KRT80: variants seen among roughly 807,000 people sequenced by gnomAD.
The protein encoded by KRT80 is keratin 80.
In KRT80, 36 loss-of-function variants were observed where a neutral mutation model predicts 51.5. The ratio of observed to expected loss-of-function variants is 0.70; its 90% CI spans 0.54 to 0.92. The LOEUF is 0.92. Among genes scored for constraint, KRT80 ranks in the 40% least tolerant of loss-of-function variants. The pLI is 0.00. For missense variants in KRT80, 566 were observed against 591.7 expected (o/e 0.96, Z 0.45); for synonymous variants, 235 against 248.3 (o/e 0.95, Z 0.50).
At chr12:52,173,520 C>T (rs760129677) in intron 5 of KRT80, 80 bp downstream of exon 5, 96 of 1,459,520 alleles carry the variant, frequency 6.6e-5, no homozygotes, top group Non-Finnish European at 8.7e-5. Flanking sequence ...CAGGCAACCT[C>T]AGCCATCACC....
intron 4 of KRT80, among the ~76,000 whole-genome samples, chr12:52,176,567 T>C (rs1297502949): frequency 2.6e-5 from 4 of 151,752 alleles, no homozygotes; most frequent in Admixed American, 6.6e-5. Context: ...CTGCAACCTC[T>C]GCCTCCCGGG....
At chr12:52,174,322 G>A (rs1462886863) in intron 4 of KRT80, among the ~76,000 whole-genome samples, 1 of 152,204 alleles carries the variant, frequency 6.6e-6, no homozygotes, top group Non-Finnish European at 1.5e-5. Flanking sequence ...AGTGACCAGG[G>A]TGGAGTGGGC....
chr12:52,181,748 AC>A (rs1941324772), intron 2 of KRT80, among the ~76,000 whole-genome samples: 1 of 151,780 alleles, frequency 6.6e-6, no homozygotes, highest in South Asian at 2.1e-4. Flanking sequence ...GGAGGACAGG[AC>A]CCCCAGATCC....
chr12:52,191,906 G>GC lies in KRT80; in HGVS notation c.-5dup. 6.8e-7 allele frequency: 1 copy of GC among 1,460,960 alleles called. No homozygotes were observed. Among genetic ancestry groups the GC allele is most frequent in the Non-Finnish European group, 9.1e-7 (1 of 1,104,654 alleles). The allele number at this position is 1,460,960 out of a possible 1,614,324, so 90.5% of individuals were successfully genotyped here. On this transcript the variant is annotated 5_prime_UTR_variant, in exon 1 of 9. Coordinates refer to ENST00000394815, the MANE Select transcript of KRT80 (RefSeq NM_182507.3). ...CCACGCAGGAGCGGCAGGCCATGGT[G>GC]CCCCCGGCCGGAAGCAGGAGGGCCC...
intron 4 of KRT80, among the ~76,000 whole-genome samples, chr12:52,174,186 CTCT>C (rs1250062938): frequency 1.3e-5 from 2 of 152,238 alleles, no homozygotes; most frequent in Non-Finnish European, 2.9e-5. Flanking sequence ...TGGGGTACAG[CTCT>C]GCCTCTCCCA....
intron 4 of KRT80, among the ~76,000 whole-genome samples, chr12:52,177,603 G>A (rs1385894664): frequency 2.0e-5 from 3 of 151,656 alleles, no homozygotes; most frequent in Admixed American, 6.6e-5. Flanking sequence ...CTACTCAGTT[G>A]GCTTGGAAGG....
At chr12:52,177,587 G>T (rs1004272686) in intron 4 of KRT80, among the ~76,000 whole-genome samples, 1 of 152,070 alleles carries the variant, frequency 6.6e-6, no homozygotes, top group Non-Finnish European at 1.5e-5. Flanking sequence ...TCATGGCCAT[G>T]AGCTCCTACT....
rs560317170 is a variant in KRT80, at chr12:52,191,946, G to A, written c.-44C>T. 2 of 1,429,994 alleles carry A rather than the reference G, an allele frequency of 1.4e-6. No homozygotes were observed. Among genetic ancestry groups the A allele is most frequent in the Non-Finnish European group, 1.8e-6 (2 of 1,091,264 alleles). 88.6% of individuals were successfully genotyped at this position (1,429,994 alleles called of 1,614,324 possible). ...CAGGAGGGCCCAGGGGGGTGAGCGAGTGAGCCTGGGGTTGCGTCGGGTGGC... is the reference window on the plus strand; with the variant it reads ...CAGGAGGGCCCAGGGGGGTGAGCGAATGAGCCTGGGGTTGCGTCGGGTGGC... On this transcript the variant is annotated 5_prime_UTR_variant, in exon 1 of 9. Transcript: ENST00000394815.
At chr12:52,173,206 G>A (rs559735112) in intron 5 of KRT80, 43 bp from the exon 6 acceptor site, 10 of 1,543,356 alleles carry the variant, frequency 6.5e-6, no homozygotes, top group South Asian at 3.5e-5. Flanking sequence ...GCTCAGTGCC[G>A]CTCCCAGCAC....
chr12:52,188,658 G>A (rs1208834332), intron 1 of KRT80, among the ~76,000 whole-genome samples: 1 of 152,184 alleles, frequency 6.6e-6, no homozygotes, highest in Non-Finnish European at 1.5e-5. Flanking sequence ...CACAGGCCTC[G>A]GTGAAGACAT....
rs750166954 is a variant in KRT80 at position 52,191,656 on chromosome 12, C to G, written c.247G>C (p.Glu83Gln). 15 of 1,610,910 alleles carry G rather than the reference C, an allele frequency of 9.3e-6. No homozygotes were observed. In the Admixed American group the frequency reaches 1.8e-4, roughly 20 times the overall value. ...DPAVQQLKNQ[E>Q]KEEMKALNDK... The stretch of plus-strand genomic sequence containing the variant: ...TTGAGGGCCTTCATCTCCTCCTTCT[C>G]CTGGTTCTTCAGCTGCTGAACAGCG... The change falls in exon 1 of 9, where the codon GAG becomes CAG. Residue 83 changes from glutamate (E) to glutamine (Q), a missense_variant. Glu to Gln is a conservative substitution (Grantham distance 29). Coordinates refer to ENST00000394815, the MANE Select transcript of KRT80 (RefSeq NM_182507.3).
In KRT80 at chr12:52,173,726, C is replaced by T. The variant is rs764851000; in HGVS notation, c.705G>A (p.Ser235=). The T allele has an allele frequency of 1.6e-5, 25 of 1,612,136 alleles. No individual in the cohort carries two copies. The highest frequency in any genetic ancestry group is 2.2e-5 in the East Asian group (1 of 44,890). Residue 235 remains serine (S), a synonymous_variant, in exon 5 of 9, where the codon TCG becomes TCA. Transcript: ENST00000394815. ...KDLAAQVKDV[S]VTVGMDSRCH... is the part of the protein sequence containing the mutation. ...AGCGGCTGTCCATGCCGACGGTCAC[C>T]GACACATCCTTCACCTGTGCTGCCA... is the stretch of plus-strand genomic sequence containing the variant.
chr12:52,182,879 G>A (rs1026856454), intron 2 of KRT80, among the ~76,000 whole-genome samples: 1 of 152,170 alleles, frequency 6.6e-6, no homozygotes, highest in African/African-American at 2.4e-5. Context: ...GCTGGGCTGC[G>A]GCTGGACACT....
rs149588250 is a variant in KRT80, at chr12:52,169,022, T to G, written c.*2376A>C. ...AATTTATAAAGAAAAGACATTTATT[T>G]TGGCTCACAATTCTGCAGGCTGTAC... On this transcript the variant is annotated 3_prime_UTR_variant, in exon 9 of 9. Coordinates refer to ENST00000394815, the MANE Select transcript of KRT80 (RefSeq NM_182507.3). The G allele has an allele frequency of 6.6e-6, 1 of 152,392 alleles. No individual in the cohort carries two copies. The highest frequency in any genetic ancestry group is 1.9e-4 in the East Asian group (1 of 5,196). 9.4% of individuals were successfully genotyped at this position (152,392 alleles called of 1,614,324 possible). A position where few individuals can be genotyped will look rare whatever the true frequency, so the allele number is the denominator to read the frequency against.
At chr12:52,178,365 C>G (rs984972779) in intron 4 of KRT80, among the ~76,000 whole-genome samples, 1 of 152,258 alleles carries the variant, frequency 6.6e-6, no homozygotes, top group Non-Finnish European at 1.5e-5. Flanking sequence ...AGCTCCCACC[C>G]TGCCCCGTGT....
In KRT80 at chr12:52,172,354, G is replaced by T. The variant is rs533786770; in HGVS notation, c.1022C>A (p.Ala341Asp). The change falls in exon 7 of 9, where the codon GCC (alanine) becomes GAC (aspartate). Residue 341 changes from alanine (A) to aspartate (D), a missense_variant. Transcript: ENST00000394815. ...EEQGELAFQD[A>D]KTKLAQLEAA... ...CTCCAGCTGGGCCAGCTTGGTCTTGGCATCCTGGAAGGCCAGCTCACCCTG... is the reference window on the plus strand; with the variant it reads ...CTCCAGCTGGGCCAGCTTGGTCTTGTCATCCTGGAAGGCCAGCTCACCCTG... 9.7e-5 allele frequency: 156 copies of T among 1,614,186 alleles called. 2 individuals are homozygous for T. In the South Asian group the frequency reaches 1.6e-3, roughly 17 times the overall value.
At position 52,171,392 on chromosome 12, in the gene KRT80, G is replaced by C. The variant is rs1304967443; in HGVS notation, c.*6C>G. On this transcript the variant is annotated 3_prime_UTR_variant, in exon 9 of 9. Transcript: ENST00000394815. The stretch of plus-strand genomic sequence containing the variant: ...AGTGCCCTGGGGTTCCTGGGGTCCA[G>C]CCGCCTTACTCTGAGACCTCCGACT... 6.4e-7 allele frequency: 1 copy of C among 1,569,640 alleles called. No homozygotes were observed. Among genetic ancestry groups the C allele is most frequent in the South Asian group, 1.2e-5 (1 of 82,618 alleles).
intron 4 of KRT80, among the ~76,000 whole-genome samples, chr12:52,179,384 A>G (rs76801348): frequency 6.6e-6 from 1 of 152,012 alleles, no homozygotes; most frequent in Non-Finnish European, 1.5e-5. Context: ...CTGTGGGGGG[A>G]TTTGTTAGGG....
chr12:52,175,643 C>T (rs974260340), intron 4 of KRT80, among the ~76,000 whole-genome samples: 23 of 152,170 alleles, frequency 1.5e-4, no homozygotes, highest in East Asian at 5.8e-4. Flanking sequence ...GGCGGGCATT[C>T]GGAAGCCCCT....
Sources: allele counts gnomAD v4.1 joint callset (sites outside exome capture counted in the v4.1 genomes callset), GRCh38; gene constraint gnomAD v4.1.1; transcripts MANE v1.5; gene names NCBI Gene and HGNC (gene_info 2026-07-23, HGNC 2026-07-21).